The following WWOX variants were observed in gnomAD, a reference collection of about 807,000 sequenced individuals.
WWOX encodes the protein WW domain-containing oxidoreductase.
WWOX carries 69 observed loss-of-function variants against 46.2 expected under a neutral mutation model. That is an observed-to-expected ratio of 1.49 (90% CI 1.23 to 1.82). WWOX has a LOEUF of 1.82. Ranked by LOEUF, WWOX falls within the 40% of genes most tolerant of loss-of-function variation. The probability of loss-of-function intolerance (pLI) is 0.00; values close to 1 mark genes in which losing one functional copy is unlikely to be tolerated. For synonymous variants in WWOX, 359 were observed against 202.6 expected (o/e 1.77, Z -6.56); for missense variants, 919 against 542.6 (o/e 1.69, Z -6.89).
chr16:78,490,880 G>T (rs934160897), intron 8 of WWOX, among the ~76,000 whole-genome samples: 1 of 152,162 alleles, frequency 6.6e-6, no homozygotes, highest in African/African-American at 2.4e-5. Context: ...TGCAAAACAG[G>T]ACTCATTAGC....
intron 8 of WWOX, among the ~76,000 whole-genome samples, chr16:79,037,092 G>A (rs1045819059): frequency 9.2e-5 from 14 of 152,146 alleles, no homozygotes; most frequent in Non-Finnish European, 1.8e-4. Context: ...GCGGGGCCTG[G>A]GCTTTACAGC....
At chr16:78,712,464 T>C (rs972695157) in intron 8 of WWOX, among the ~76,000 whole-genome samples, 1 of 151,226 alleles carries the variant, frequency 6.6e-6, no homozygotes, top group Non-Finnish European at 1.5e-5. Context: ...ATTATACCAC[T>C]GCACTCCAGC....
At position 78,345,236 on chromosome 16, in the gene WWOX, C is replaced by T. The variant is rs12929851; in HGVS notation, c.517-41624C>T. Among the ~76,000 whole-genome samples, 5 of 114,334 alleles carry T rather than the reference C, an allele frequency of 4.4e-5. 2 individuals carry two copies. Among genetic ancestry groups the T allele is most frequent in the Non-Finnish European group, 1.0e-4 (5 of 48,458 alleles). 75.0% of individuals were successfully genotyped at this position (114,334 alleles called of 152,430 possible). On this transcript the variant is annotated intron_variant, in intron 5 of 8. Transcript: ENST00000566780. Reference sequence around the variant, plus strand: ...CACAATCTCCAGCAAGCTAACCTCTCTGGACATCGTATTCCTCATCTATAA... The same window carrying T: ...CACAATCTCCAGCAAGCTAACCTCTTTGGACATCGTATTCCTCATCTATAA...
intron 8 of WWOX, among the ~76,000 whole-genome samples, chr16:78,539,294 T>C (rs1597233628): frequency 6.6e-6 from 1 of 152,208 alleles, no homozygotes; most frequent in Non-Finnish European, 1.5e-5. Context: ...GTCCTACTGG[T>C]AAAGGAGTCT....
intron 8 of WWOX, among the ~76,000 whole-genome samples, chr16:78,578,579 C>G (rs186448611): frequency 6.6e-6 from 1 of 151,694 alleles, no homozygotes; most frequent in African/African-American, 2.4e-5. Flanking sequence ...TGAGCCACCG[C>G]GGCTGGCGAA....
chr16:78,832,978 A>T (rs977016148), intron 8 of WWOX, among the ~76,000 whole-genome samples: 1 of 151,480 alleles, frequency 6.6e-6, no homozygotes, highest in Admixed American at 6.6e-5. Context: ...ATTGGTGTTA[A>T]TCAGTTGGTG....
chr16:78,577,502 C>T (rs1161463513), intron 8 of WWOX, among the ~76,000 whole-genome samples: 1 of 152,142 alleles, frequency 6.6e-6, no homozygotes, highest in Admixed American at 6.5e-5. Context: ...TTCATGCAGC[C>T]CTGGGTATGA....
At chr16:78,614,574 C>T (rs759655220) in intron 8 of WWOX, among the ~76,000 whole-genome samples, 1 of 152,170 alleles carries the variant, frequency 6.6e-6, no homozygotes, top group East Asian at 1.9e-4. Flanking sequence ...ATGCCATTCT[C>T]TTAATTTCAG....
intron 8 of WWOX, among the ~76,000 whole-genome samples, chr16:78,590,839 G>C (rs1401888522): frequency 6.6e-6 from 1 of 152,112 alleles, no homozygotes; most frequent in Non-Finnish European, 1.5e-5. Flanking sequence ...GCCTGGGATG[G>C]TTGCAGAGGA....
At chr16:78,521,739 C>G (rs966358627) in intron 8 of WWOX, among the ~76,000 whole-genome samples, 1 of 151,746 alleles carries the variant, frequency 6.6e-6, no homozygotes, top group Admixed American at 6.6e-5. Context: ...GAGTATCTCT[C>G]AAAATATTAG....
chr16:78,928,152 C>T (rs1349562767), intron 8 of WWOX, among the ~76,000 whole-genome samples: 2 of 151,710 alleles, frequency 1.3e-5, no homozygotes, highest in Non-Finnish European at 2.9e-5. Flanking sequence ...TCATTAAACC[C>T]ATGAGTTTAA....
intron 8 of WWOX, among the ~76,000 whole-genome samples, chr16:78,856,289 G>T (rs938677324): frequency 6.6e-6 from 1 of 152,182 alleles, no homozygotes; most frequent in African/African-American, 2.4e-5. Flanking sequence ...GCAAGTAGGG[G>T]CACCGAAAGC....
intron 8 of WWOX, among the ~76,000 whole-genome samples, chr16:78,687,134 A>G (rs1305556512): frequency 1.3e-5 from 2 of 152,264 alleles, no homozygotes; most frequent in East Asian, 1.9e-4. Flanking sequence ...AAGGTTATAC[A>G]TTGAATAACC....
chr16:79,036,428 A>G (rs181298352), intron 8 of WWOX, among the ~76,000 whole-genome samples: 2 of 152,348 alleles, frequency 1.3e-5, no homozygotes, highest in Admixed American at 1.3e-4. Flanking sequence ...TGACCTCCAT[A>G]TAAGTATCTG....
intron 8 of WWOX, chr16:78,994,430 G>A (rs375269707): frequency 2.0e-5 from 3 of 152,072 alleles, no homozygotes; most frequent in African/African-American, 7.2e-5. Flanking sequence ...CATTTTTATC[G>A]GTTCACGTAT....
At chr16:78,574,351 G>A (rs1350828700) in intron 8 of WWOX, among the ~76,000 whole-genome samples, 1 of 152,224 alleles carries the variant, frequency 6.6e-6, no homozygotes, top group Non-Finnish European at 1.5e-5. Context: ...GCACAATGGT[G>A]TGAATACCAG....
chr16:78,855,053 C>G (rs1248785587), intron 8 of WWOX, among the ~76,000 whole-genome samples: 2 of 152,162 alleles, frequency 1.3e-5, no homozygotes, highest in Non-Finnish European at 1.5e-5. Flanking sequence ...CTATGATTGA[C>G]AGTCTACCTA....
intron 8 of WWOX, among the ~76,000 whole-genome samples, chr16:79,120,235 C>T (rs1042026905): frequency 6.6e-6 from 1 of 152,162 alleles, no homozygotes; most frequent in Admixed American, 6.5e-5. Context: ...TGATTGGCCA[C>T]TCCCAGATTC....
intron 8 of WWOX, among the ~76,000 whole-genome samples, chr16:78,935,057 C>T (rs1291929010): frequency 2.6e-5 from 4 of 152,174 alleles, no homozygotes; most frequent in Non-Finnish European, 4.4e-5. Flanking sequence ...CAATGAGATA[C>T]CATCTCACAC....
Sources: gnomAD v4.1 joint callset for allele counts (sites outside exome capture counted in the v4.1 genomes callset) on GRCh38, gnomAD v4.1.1 for gene constraint, MANE v1.5 for transcripts, NCBI Gene and HGNC (gene_info 2026-07-23, HGNC 2026-07-21) for gene names.